Variants in SLC4A2 observed in about 807,000 individuals in gnomAD.
SLC4A2 encodes solute carrier family 4 member 2, also known as anion exchange protein 2.
Under a neutral mutation model 115.0 loss-of-function variants are expected in SLC4A2, and 36 were observed. The observed-to-expected ratio is 0.31, with a 90% CI of 0.24 to 0.41. The LOEUF is 0.41. Among genes scored for constraint, SLC4A2 ranks in the 10% least tolerant of loss-of-function variants. The pLI is 1.00. For missense variants in SLC4A2, 1,252 were observed against 1,705.6 expected (o/e 0.73, Z 4.68); for synonymous variants, 708 against 708.3 (o/e 1.00, Z 0.01).
At chr7:151,065,678 AC>A (rs1033777077) in intron 5 of SLC4A2, among the ~76,000 whole-genome samples, 1 of 152,160 alleles carries the variant, frequency 6.6e-6, no homozygotes, top group Non-Finnish European at 1.5e-5. Flanking sequence ...ACCTGCTGGG[AC>A]CGTGGCACAG....
intron 5 of SLC4A2, among the ~76,000 whole-genome samples, chr7:151,066,025 G>A (rs945069570): frequency 1.3e-5 from 2 of 152,168 alleles, no homozygotes; most frequent in Non-Finnish European, 2.9e-5. Context: ...TCCAAGGCCC[G>A]GTGCCACGGA....
Position 151,070,287 on chromosome 7 carries a change from C to T in SLC4A2, c.1390C>T (p.His464Tyr), listed in dbSNP as rs2150374283. The T allele has an allele frequency of 6.2e-7, 1 of 1,613,730 alleles. No individual in the cohort carries two copies. The highest frequency in any genetic ancestry group is 8.5e-7 in the Non-Finnish European group (1 of 1,179,910). Reference protein sequence around the residue: ...HHGQGAESDPHVTEPLMGGVP... With the variant: ...HHGQGAESDPYVTEPLMGGVP... ...TGGTCAGGGGGCTGAGAGTGACCCC[C>T]ACGTCACCGAGCCTCTCATGGGAGG... is the stretch of plus-strand genomic sequence containing the variant. The change falls in exon 10 of 23, where the codon CAC (histidine) becomes TAC (tyrosine). Residue 464 changes from histidine to tyrosine, a missense_variant. Around this residue, in one of 14 missense-constraint regions of SLC4A2, gnomAD observed 142 missense variants for 153.5 expected, o/e 0.93. Transcript: ENST00000413384.
In SLC4A2 at chr7:151,074,181, A is replaced by G; in HGVS notation, c.2678A>G (p.Lys893Arg). ...TTGGCTGGGCAGTCTGGGCAGGGGA[A>G]GCCCCGGGGCCAGCCCAACACGGCC... ...RSLAGQSGQGKPRGQPNTALL... is the reference protein window; with the variant it reads ...RSLAGQSGQGRPRGQPNTALL... The change falls in exon 17 of 23, where the codon AAG becomes AGG. Residue 893 changes from lysine to arginine, a missense_variant. This residue lies in a region of SLC4A2 where 55 missense variants were observed against 48.6 expected (regional missense o/e 1.13). Coordinates refer to ENST00000413384, the MANE Select transcript of SLC4A2 (RefSeq NM_003040.4). The G allele has an allele frequency of 6.2e-7, 1 of 1,612,956 alleles. No homozygotes were observed.
chr7:151,064,961 G>A lies in SLC4A2; in HGVS notation c.573G>A (p.Gln191=). ...CTCCTCGGGCCTCCAAAGGGGCCCA[G>A]GCTGGGTAAGTACACCCCAATCAAC... ...EATPRASKGA[Q]AGTQVEEAEA... Residue 191 remains glutamine (Q), a synonymous_variant, in exon 5 of 23, where the codon CAG becomes CAA. Transcript: ENST00000413384. 1 of 1,605,254 alleles carries A rather than the reference G, an allele frequency of 6.2e-7. No homozygotes were observed.
chr7:151,070,252 G>T lies in SLC4A2; in HGVS notation c.1355G>T (p.Gly452Val), dbSNP rs1797384619. ...ISAGSLGSLL[G>V]HHHGQGAESD... ...GCTGGCTCCCTGGGCTCCCTGCTGGGGCATCACCATGGTCAGGGGGCTGAG... is the reference window on the plus strand; with the variant it reads ...GCTGGCTCCCTGGGCTCCCTGCTGGTGCATCACCATGGTCAGGGGGCTGAG... The change falls in exon 10 of 23, where the codon GGG becomes GTG. Residue 452 changes from glycine (G) to valine (V), a missense_variant. Coordinates refer to ENST00000413384, the MANE Select transcript of SLC4A2 (RefSeq NM_003040.4). The T allele has an allele frequency of 1.2e-6, 2 of 1,613,946 alleles. No homozygotes were observed. The highest frequency in any genetic ancestry group is 1.3e-5 in the African/African-American group (1 of 74,944).
At position 151,067,860 on chromosome 7, in the gene SLC4A2, C is replaced by T; in HGVS notation, c.967-14C>T. 6.2e-7 allele frequency: 1 copy of T among 1,611,722 alleles called. No homozygotes were observed. The highest frequency in any genetic ancestry group is 8.5e-7 in the Non-Finnish European group (1 of 1,179,236). ...GGCTCTGTACCCTGAAATGCCTTCT[C>T]TTCTCTCCCCAAGGTGTTTGTGGAG... On this transcript the variant is annotated splice_polypyrimidine_tract_variant and intron_variant, in intron 7 of 22. Coordinates refer to ENST00000413384, the MANE Select transcript of SLC4A2 (RefSeq NM_003040.4).
intron 2 of SLC4A2, chr7:151,062,608 C>A (rs1454130929): frequency 6.0e-6 from 9 of 1,509,430 alleles, no homozygotes; most frequent in Non-Finnish European, 7.9e-6. Context: ...CTGGTCCCCT[C>A]CCCCTCCTTC....
At position 151,064,577 on chromosome 7, in the gene SLC4A2, C is replaced by T. The variant is rs1797162525; in HGVS notation, c.269C>T (p.Pro90Leu). Residue 90 changes from proline to leucine, a missense_variant, in exon 4 of 23, where the codon CCT becomes CTT. Around this residue, in one of 14 missense-constraint regions of SLC4A2, gnomAD observed 215 missense variants for 205.2 expected, o/e 1.05. Coordinates refer to ENST00000413384, the MANE Select transcript of SLC4A2 (RefSeq NM_003040.4). The part of the protein sequence containing the change: ...HIHHPLSTHL[P>L]PDARRRKTPQ... ...CATCACCCACTGTCCACCCACCTGCCTCCGGATGCACGCCGCCGCAAGACA... is the reference window on the plus strand; with the variant it reads ...CATCACCCACTGTCCACCCACCTGCTTCCGGATGCACGCCGCCGCAAGACA... The T allele has an allele frequency of 6.2e-7, 1 of 1,612,628 alleles. No homozygotes were observed. The highest frequency in any genetic ancestry group is 1.1e-5 in the South Asian group (1 of 91,010).
Position 151,064,236 on chromosome 7 carries a change from G to C in SLC4A2, c.86G>C (p.Gly29Ala), listed in dbSNP as rs764877391. ...EPESLGPGTP[G>A]FPEQEEDELH... ...GAGAGCTTGGGCCCTGGGACGCCTG[G>C]GTTCCCCGAGCAGGAGGAAGACGAA... The change falls in exon 3 of 23, where the codon GGG (glycine) becomes GCG (alanine). Residue 29 changes from glycine to alanine, a missense_variant. Transcript: ENST00000413384. 6.2e-7 allele frequency: 1 copy of C among 1,612,486 alleles called. No homozygotes were observed. The highest frequency in any genetic ancestry group is 8.5e-7 in the Non-Finnish European group (1 of 1,179,952).
Position 151,061,731 on chromosome 7 carries a change from C to T in SLC4A2, c.-63-194C>T, listed in dbSNP as rs13240966. ...CCTCTCGGCCCTTTTCGGCCCCCCT[C>T]GCCTCAGTCCTCTCCTGTCTCCTTG... On this transcript the variant is annotated intron_variant, in intron 1 of 22. Transcript: ENST00000413384. 13 of 490,242 alleles carry T rather than the reference C, an allele frequency of 2.7e-5. No individual in the cohort carries two copies. In the East Asian group the frequency reaches 3.3e-4, roughly 12 times the overall value. The allele number at this position is 490,242 out of a possible 1,614,324, so 30.4% of individuals were successfully genotyped here.
rs1797245495 is a variant in SLC4A2, at chr7:151,066,624, G to C, written c.686G>C (p.Gly229Ala). ...SGRPLPKAQP[G>A]HRSYNLQERR... ...CGCCCCCTGCCCAAAGCCCAGCCTG[G>C]GCACCGCAGCTACAACCTTCAGGAG... The change falls in exon 6 of 23, where the codon GGG becomes GCG. Residue 229 changes from glycine (G) to alanine (A), a missense_variant. Gly to Ala is a moderately conservative substitution (Grantham distance 60). This residue lies in a region of SLC4A2 where 215 missense variants were observed against 205.2 expected (regional missense o/e 1.05). Coordinates refer to ENST00000413384, the MANE Select transcript of SLC4A2 (RefSeq NM_003040.4). 2 of 1,549,646 alleles carry C rather than the reference G, an allele frequency of 1.3e-6. No individual in the cohort carries two copies. The highest frequency in any genetic ancestry group is 1.4e-5 in the African/African-American group (1 of 73,026).
intron 1 of SLC4A2, chr7:151,061,557 C>T (rs1212476807): frequency 1.1e-5 from 2 of 182,372 alleles, no homozygotes; most frequent in Non-Finnish European, 2.3e-5. Flanking sequence ...CCGTTGTCTG[C>T]CTGGGCCTTC....
Position 151,066,935 on chromosome 7 carries a change from G to A in SLC4A2, c.908G>A (p.Gly303Glu). ...AKGSTQSGRE[G>E]REPGPTPRAR... ...GGTTCCACACAGAGTGGCCGAGAAG[G>A]GCGGGAGCCTGGCCCCACACCTCGG... Residue 303 changes from glycine to glutamate, a missense_variant, in exon 7 of 23, where the codon GGG (glycine) becomes GAG (glutamate). Physicochemically the swap from Gly to Glu is moderately conservative, Grantham distance 98 (BLOSUM62 -2). This residue lies in a region of SLC4A2 where 48 missense variants were observed against 44.4 expected (regional missense o/e 1.08). Coordinates refer to ENST00000413384, the MANE Select transcript of SLC4A2 (RefSeq NM_003040.4). 6.2e-7 allele frequency: 1 copy of A among 1,613,448 alleles called. No homozygotes were observed.
chr7:151,075,882 C>T (rs907211445), intron 21 of SLC4A2, 107 bp downstream of exon 21: 42 of 1,411,936 alleles, frequency 3.0e-5, no homozygotes, highest in Non-Finnish European at 3.6e-5. Flanking sequence ...AGCCAGCCCC[C>T]ACCTCCTCTC....
chr7:151,069,521 T>G (rs1441630653), intron 8 of SLC4A2, among the ~76,000 whole-genome samples: 1 of 152,062 alleles, frequency 6.6e-6, no homozygotes, highest in Non-Finnish European at 1.5e-5. Context: ...CCAGCTGAGT[T>G]GTGTATCAGG....
Position 151,065,791 on chromosome 7 carries a change from G to A in SLC4A2, c.579-726G>A, listed in dbSNP as rs143023671. Among the ~76,000 whole-genome samples, 331 of 152,304 alleles carry A rather than the reference G, an allele frequency of 2.2e-3. 3 individuals carry two copies. The highest frequency in any genetic ancestry group is 7.6e-3 in the African/African-American group (315 of 41,558). Reference sequence around the variant, plus strand: ...GCATCAGGAAAGGGTCGGGTTTGTGGGCCAGGGCACGTGGGGGCTAGGAGA... The same window carrying A: ...GCATCAGGAAAGGGTCGGGTTTGTGAGCCAGGGCACGTGGGGGCTAGGAGA... On this transcript the variant is annotated intron_variant, in intron 5 of 22. Coordinates refer to ENST00000413384, the MANE Select transcript of SLC4A2 (RefSeq NM_003040.4).
chr7:151,062,151 T>A lies in SLC4A2; in HGVS notation c.51+113T>A, dbSNP rs531048424. 816 of 828,218 alleles carry A rather than the reference T, an allele frequency of 9.9e-4. 3 individuals are homozygous for A. In the African/African-American group the frequency reaches 0.012, roughly 12 times the overall value. 51.3% of individuals were successfully genotyped at this position (828,218 alleles called of 1,614,324 possible). On this transcript the variant is annotated intron_variant, in intron 2 of 22. Coordinates refer to ENST00000413384, the MANE Select transcript of SLC4A2 (RefSeq NM_003040.4). ...TGTGAGCGTGTGTGAGTGTGGAGAC[T>A]GGGAGGATGCTGCCATCCCTACCCT...
At chr7:151,075,988 G>A (rs761209340) in intron 21 of SLC4A2, 25 bp from the exon 22 acceptor site, 15 of 1,562,880 alleles carry the variant, frequency 9.6e-6, no homozygotes, top group Non-Finnish European at 1.3e-5. Flanking sequence ...GGAGGAAGCT[G>A]GGCTCACCTG....
intron 5 of SLC4A2, 63 bp from the exon 6 acceptor site, chr7:151,066,454 T>G: frequency 6.9e-7 from 1 of 1,444,184 alleles, no homozygotes; most frequent in East Asian, 2.5e-5. Context: ...ACCGCCTGCG[T>G]GGGTGCTGGG....
Sources: gnomAD v4.1 joint callset for allele counts (sites outside exome capture counted in the v4.1 genomes callset) on GRCh38, gnomAD v4.1.1 for gene constraint, gnomAD v4.1.1 regional missense constraint, MANE v1.5 for transcripts, NCBI Gene and HGNC (gene_info 2026-07-23, HGNC 2026-07-21) for gene names.